The following RBFOX1 variants were observed in gnomAD, a reference collection of about 807,000 sequenced individuals.
RBFOX1 encodes the protein RNA binding fox-1 homolog 1.
In RBFOX1, 8 loss-of-function variants were observed where a neutral mutation model predicts 57.7. The ratio of observed to expected loss-of-function variants is 0.14; its 90% CI spans 0.08 to 0.25. The LOEUF (loss-of-function observed/expected upper bound fraction) is 0.25, where lower values mean the gene tolerates loss of function less well. RBFOX1 is among the 10% of genes least tolerant of loss of function. RBFOX1 has a pLI of 1.00. For missense variants in RBFOX1, 611 were observed against 548.5 expected, an observed-to-expected ratio of 1.11 and a Z score of -1.14; for synonymous variants, 326 against 222.4, an observed-to-expected ratio of 1.47 and a Z score of -4.15.
chr16:7,323,017 C>T (rs1603620623), intron 4 of RBFOX1, among the ~76,000 whole-genome samples: 1 of 152,282 alleles, frequency 6.6e-6, no homozygotes, highest in South Asian at 2.1e-4. Context: ...TTCTCCTCCT[C>T]TCTCTGCTCT....
chr16:5,539,019 C>T (rs1243632852), intron 2 of RBFOX1, among the ~76,000 whole-genome samples: 1 of 152,062 alleles, frequency 6.6e-6, no homozygotes, highest in Non-Finnish European at 1.5e-5. Context: ...TAGGAGGGTC[C>T]TTGAAAAAGA....
chr16:6,931,279 A>ATCTGTCTG (rs372259389), intron 3 of RBFOX1, among the ~76,000 whole-genome samples: 5 of 140,950 alleles, frequency 3.5e-5, no homozygotes, highest in African/African-American at 1.1e-4. Context: ...AAATCTATCT[A>ATCTGTCTG]TCTGTCTGTC....
intron 3 of RBFOX1, among the ~76,000 whole-genome samples, chr16:7,007,697 G>T (rs1017480320): frequency 6.6e-6 from 1 of 152,060 alleles, no homozygotes; most frequent in Non-Finnish European, 1.5e-5. Flanking sequence ...ATGTACTTTT[G>T]CTGCTAATTT....
intron 4 of RBFOX1, among the ~76,000 whole-genome samples, chr16:7,342,686 G>C (rs2096921122): frequency 6.6e-6 from 1 of 152,116 alleles, no homozygotes; most frequent in Admixed American, 6.5e-5. Flanking sequence ...AACTGGGGAG[G>C]TGGCGAAGGA....
chr16:6,431,738 C>T (rs1490165822), intron 2 of RBFOX1, among the ~76,000 whole-genome samples: 1 of 152,046 alleles, frequency 6.6e-6, no homozygotes, highest in Non-Finnish European at 1.5e-5. Flanking sequence ...CTCCTGTAGT[C>T]CTGGCTACTT....
At position 6,637,276 on chromosome 16, in the gene RBFOX1, A is replaced by ATGT. The variant is rs1244643300; in HGVS notation, c.-63-17326_-63-17325insGTT. Among the ~76,000 whole-genome samples the ATGT allele has an allele frequency of 4.3e-4, 26 of 61,086 alleles. 5 individuals carry two copies. The highest frequency in any genetic ancestry group is 1.1e-3 in the African/African-American group (13 of 11,542). The allele number at this position is 61,086 out of a possible 152,430, so 40.1% of individuals were successfully genotyped here. A position where few individuals can be genotyped will look rare whatever the true frequency, so the allele number is the denominator to read the frequency against. On this transcript the variant is annotated intron_variant, in intron 2 of 15. Coordinates refer to ENST00000550418, the MANE Select transcript of RBFOX1 (RefSeq NM_018723.4). ...TATATAATATACAAATATATATTAT[A>ATGT]TATTATATATAATATATAATATACA... is the stretch of plus-strand genomic sequence containing the variant.
At chr16:6,435,292 G>GTTTT (rs1263299445) in intron 2 of RBFOX1, among the ~76,000 whole-genome samples, 8 of 121,826 alleles carry the variant, frequency 6.6e-5, no homozygotes, top group East Asian at 5.4e-4. Context: ...TGTTATTGTT[G>GTTTT]TTGTTTTTTG....
intron 4 of RBFOX1, among the ~76,000 whole-genome samples, chr16:5,877,159 C>T (rs549724721): frequency 6.6e-6 from 1 of 152,320 alleles, no homozygotes; most frequent in South Asian, 2.1e-4. Flanking sequence ...GTCTGCTCTC[C>T]AGGCTAGGCT....
At chr16:6,657,906 C>G (rs1359375198) in intron 3 of RBFOX1, among the ~76,000 whole-genome samples, 3 of 152,028 alleles carry the variant, frequency 2.0e-5, no homozygotes, top group Non-Finnish European at 4.4e-5. Flanking sequence ...TCTCAAGAAT[C>G]ACTTTATTTT....
At chr16:5,900,403 A>G (rs566144168) in intron 4 of RBFOX1, among the ~76,000 whole-genome samples, 1 of 152,322 alleles carries the variant, frequency 6.6e-6, no homozygotes, top group East Asian at 1.9e-4. Flanking sequence ...GGAAGGGGGA[A>G]AAAAAGAAAG....
At chr16:6,757,269 C>T (rs908346585) in intron 3 of RBFOX1, among the ~76,000 whole-genome samples, 1 of 151,952 alleles carries the variant, frequency 6.6e-6, no homozygotes, top group East Asian at 1.9e-4. Flanking sequence ...ATAGAACTAC[C>T]ATAAAATCCA....
chr16:6,252,984 A>G (rs1490771157), intron 1 of RBFOX1, among the ~76,000 whole-genome samples: 1 of 152,136 alleles, frequency 6.6e-6, no homozygotes, highest in Non-Finnish European at 1.5e-5. Flanking sequence ...TTTCTTCGTA[A>G]TATCTCTGTG....
chr16:7,403,555 G>A (rs888729007), intron 4 of RBFOX1, among the ~76,000 whole-genome samples: 3 of 134,802 alleles, frequency 2.2e-5, no homozygotes, highest in South Asian at 2.5e-4. Context: ...TATTGCAAAT[G>A]AGAGAATCCC....
chr16:7,677,565 A>G (rs1275988964), intron 14 of RBFOX1, among the ~76,000 whole-genome samples: 1 of 152,090 alleles, frequency 6.6e-6, no homozygotes, highest in Non-Finnish European at 1.5e-5. Flanking sequence ...TGAACAGATG[A>G]GTTGGTTCCT....
intron 4 of RBFOX1, among the ~76,000 whole-genome samples, chr16:7,333,431 A>G (rs2144504154): frequency 6.6e-6 from 1 of 152,338 alleles, no homozygotes; most frequent in Non-Finnish European, 1.5e-5. Context: ...TCATGAGACA[A>G]AGTAACTTAT....
intron 1 of RBFOX1, among the ~76,000 whole-genome samples, chr16:6,142,501 G>T (rs563709525): frequency 6.6e-6 from 1 of 152,036 alleles, no homozygotes; most frequent in Non-Finnish European, 1.5e-5. Flanking sequence ...GATTACAGGC[G>T]TGAGCCACCA....
At chr16:5,633,702 C>T (rs1417820822) in intron 3 of RBFOX1, among the ~76,000 whole-genome samples, 6 of 151,974 alleles carry the variant, frequency 3.9e-5, no homozygotes, top group African/African-American at 1.2e-4. Context: ...CGTGAAACTC[C>T]GTCTCTTCTA....
rs568413276 is a variant in RBFOX1, at chr16:7,356,514, A to G, written c.28-161633A>G. ...TGATGGAGGAGGAGCCTGGCAGGAA[A>G]TGATGTCGGGTGGTAGGTGGGGGGC... On this transcript the variant is annotated intron_variant, in intron 4 of 15. Coordinates refer to ENST00000550418, the MANE Select transcript of RBFOX1 (RefSeq NM_018723.4). Among the ~76,000 whole-genome samples the G allele has an allele frequency of 2.0e-5, 3 of 152,204 alleles. No individual in the cohort carries two copies. The East Asian group carries it at 5.8e-4, about 29-fold the overall frequency.
chr16:7,608,532 C>T (rs758017469), intron 10 of RBFOX1, among the ~76,000 whole-genome samples: 1 of 152,154 alleles, frequency 6.6e-6, no homozygotes, highest in Admixed American at 6.5e-5. Flanking sequence ...GAGACTTAGC[C>T]GTCAGGCTTT....
Sources: gnomAD v4.1 joint callset for allele counts (sites outside exome capture counted in the v4.1 genomes callset) on GRCh38, gnomAD v4.1.1 for gene constraint, MANE v1.5 for transcripts, NCBI Gene and HGNC (gene_info 2026-07-23, HGNC 2026-07-21) for gene names.